The following CACNA2D3 variants were observed in gnomAD, a reference collection of about 807,000 sequenced individuals.
The protein encoded by CACNA2D3 is voltage-dependent calcium channel subunit alpha-2/delta-3.
CACNA2D3 carries 60 observed loss-of-function variants against 160.6 expected under a neutral mutation model. The ratio of observed to expected loss-of-function variants is 0.37; its 90% CI spans 0.30 to 0.46. CACNA2D3 has a LOEUF of 0.46. Among genes scored for constraint, CACNA2D3 ranks in the 20% least tolerant of loss-of-function variants. The pLI, the probability that CACNA2D3 is intolerant of heterozygous loss-of-function variation, is 1.00. For synonymous variants in CACNA2D3, 558 were observed against 492.9 expected, an observed-to-expected ratio of 1.13 and a Z score of -1.75; for missense variants, 1,205 against 1,365.0, an observed-to-expected ratio of 0.88 and a Z score of 1.85.
intron 4 of CACNA2D3, among the ~76,000 whole-genome samples, chr3:54,412,784 T>C (rs954739748): frequency 4.6e-5 from 7 of 151,788 alleles, no homozygotes; most frequent in Admixed American, 1.3e-4. Context: ...GAATGTGCTT[T>C]AGCACATCAC....
chr3:54,626,567 T>C, intron 9 of CACNA2D3: 4 of 1,580,780 alleles, frequency 2.5e-6, no homozygotes, highest in Non-Finnish European at 3.5e-6. Flanking sequence ...CTGGGCGAGT[T>C]CTCCATCACC....
intron 11 of CACNA2D3, among the ~76,000 whole-genome samples, chr3:54,667,886 G>T (rs1444206634): frequency 1.3e-5 from 2 of 151,630 alleles, no homozygotes; most frequent in Admixed American, 1.3e-4. Flanking sequence ...GGTCAAGGCT[G>T]CAGTGAGCCG....
At chr3:54,956,667 G>A (rs1251177410) in intron 27 of CACNA2D3, among the ~76,000 whole-genome samples, 1 of 152,048 alleles carries the variant, frequency 6.6e-6, no homozygotes, top group South Asian at 2.1e-4. Context: ...CTCCAGATTA[G>A]GTAATTTGTT....
intron 13 of CACNA2D3, among the ~76,000 whole-genome samples, chr3:54,801,411 G>A (rs1231500022): frequency 3.9e-5 from 6 of 152,302 alleles, no homozygotes; most frequent in African/African-American, 7.2e-5. Flanking sequence ...GGACTGAAAT[G>A]TGCAATACCC....
In CACNA2D3 at chr3:54,642,021, G is replaced by C. The variant is rs1255015352; in HGVS notation, c.1054-107G>C. 24 of 628,422 alleles carry C rather than the reference G, an allele frequency of 3.8e-5. No individual in the cohort carries two copies. In the Admixed American group the frequency reaches 7.7e-4, roughly 20 times the overall value. 38.9% of individuals were successfully genotyped at this position (628,422 alleles called of 1,614,324 possible). ...TTGTTTTGGTGGTGGACAGTGTGCT[G>C]TCATTTTAAAAGGCTTCCTTAGTCC... is the stretch of plus-strand genomic sequence containing the variant. On this transcript the variant is annotated intron_variant, in intron 10 of 37. Coordinates refer to ENST00000474759, the MANE Select transcript of CACNA2D3 (RefSeq NM_018398.3).
At chr3:54,810,886 G>T (rs373953921) in intron 13 of CACNA2D3, among the ~76,000 whole-genome samples, 3 of 152,066 alleles carry the variant, frequency 2.0e-5, no homozygotes, top group African/African-American at 7.2e-5. Flanking sequence ...CTGCTCGGTG[G>T]GTATTTTTCT....
intron 4 of CACNA2D3, among the ~76,000 whole-genome samples, chr3:54,468,846 A>T (rs917951921): frequency 3.9e-5 from 6 of 152,198 alleles, no homozygotes; most frequent in Non-Finnish European, 7.3e-5. Context: ...ACTGCAGCTC[A>T]GCAAAGCCAC....
chr3:54,577,660 C>T (rs765707681), intron 8 of CACNA2D3, among the ~76,000 whole-genome samples: 1 of 152,166 alleles, frequency 6.6e-6, no homozygotes, highest in African/African-American at 2.4e-5. Context: ...GCATTTGTGC[C>T]TGTGCACCTA....
intron 14 of CACNA2D3, among the ~76,000 whole-genome samples, chr3:54,829,883 A>ATT (rs1703831702): frequency 1.3e-4 from 11 of 86,740 alleles, no homozygotes; most frequent in African/African-American, 1.8e-4. Context: ...CTTCTTCTTC[A>ATT]TCTTTTTTTT....
In CACNA2D3 at chr3:54,425,679, C is replaced by T. The variant is rs190160621; in HGVS notation, c.381+38905C>T. On this transcript the variant is annotated intron_variant, in intron 4 of 37. Transcript: ENST00000474759. ...TAAATCAGTGAACTCACCTCTCTCT[C>T]ATGATCACTTTTGGGGGAGCTCAGA... is the stretch of plus-strand genomic sequence containing the variant. Among the ~76,000 whole-genome samples, 6 of 152,314 alleles carry T rather than the reference C, an allele frequency of 3.9e-5. No homozygotes were observed. The East Asian group carries it at 7.7e-4, about 20-fold the overall frequency.
chr3:54,946,108 T>C lies in CACNA2D3; in HGVS notation c.2450-22342T>C, dbSNP rs535837539. Among the ~76,000 whole-genome samples the C allele has an allele frequency of 2.6e-5, 4 of 152,332 alleles. No individual in the cohort carries two copies. In the South Asian group the frequency reaches 8.3e-4, roughly 32 times the overall value. On this transcript the variant is annotated intron_variant, in intron 27 of 37. Coordinates refer to ENST00000474759, the MANE Select transcript of CACNA2D3 (RefSeq NM_018398.3). ...CTAAGGAAATAAAAAGCAGTATGCATTGATGTGCCTGTCCTGAAAGACTCT... is the reference window on the plus strand; with the variant it reads ...CTAAGGAAATAAAAAGCAGTATGCACTGATGTGCCTGTCCTGAAAGACTCT...
chr3:54,699,714 A>G (rs938016809), intron 11 of CACNA2D3, among the ~76,000 whole-genome samples: 2 of 151,862 alleles, frequency 1.3e-5, no homozygotes, highest in Non-Finnish European at 2.9e-5. Context: ...TGATTTAACC[A>G]CTCTATGCCT....
At position 54,322,903 on chromosome 3, in the gene CACNA2D3, C is replaced by T. The variant is rs531658077; in HGVS notation, c.321+2345C>T. 3.9e-5 allele frequency among the ~76,000 whole-genome samples: 6 copies of T among 152,038 alleles called. No individual in the cohort carries two copies. The South Asian group carries it at 1.0e-3, about 26-fold the overall frequency. On this transcript the variant is annotated intron_variant, in intron 3 of 37. Transcript: ENST00000474759. ...TTGCTCTGTTTAAATTGAAATATTC[C>T]CAGAATAAAGGCAGCCAGATTCCTT...
intron 2 of CACNA2D3, among the ~76,000 whole-genome samples, chr3:54,161,456 A>G: frequency 6.6e-6 from 1 of 152,212 alleles, no homozygotes; most frequent in East Asian, 1.9e-4. Flanking sequence ...CCTACCAGGG[A>G]GGATCCCTGA....
Position 54,987,583 on chromosome 3 carries a change from C to A in CACNA2D3, c.2620-100C>A, listed in dbSNP as rs565989512. ...TTTCCTGAAAACCTGCCTTTTGCTCCTGTCAGTTCCAGGACACAGACTGTG... is the reference window on the plus strand; with the variant it reads ...TTTCCTGAAAACCTGCCTTTTGCTCATGTCAGTTCCAGGACACAGACTGTG... On this transcript the variant is annotated intron_variant, in intron 30 of 37. Transcript: ENST00000474759. The A allele has an allele frequency of 1.4e-4, 103 of 712,476 alleles. 1 individual carries two copies. The African/African-American group carries it at 1.8e-3, about 12-fold the overall frequency. 44.1% of individuals were successfully genotyped at this position (712,476 alleles called of 1,614,324 possible). A position where few individuals can be genotyped will look rare whatever the true frequency, so the allele number is the denominator to read the frequency against.
At chr3:54,343,188 G>GCC (rs533287044) in intron 3 of CACNA2D3, among the ~76,000 whole-genome samples, 1 of 151,738 alleles carries the variant, frequency 6.6e-6, no homozygotes, top group Non-Finnish European at 1.5e-5. Context: ...TGTGTTTAAA[G>GCC]CCCCCCCCTC....
At chr3:54,234,945 C>G (rs1701846037) in intron 2 of CACNA2D3, among the ~76,000 whole-genome samples, 1 of 152,068 alleles carries the variant, frequency 6.6e-6, no homozygotes, top group South Asian at 2.1e-4. Context: ...ATAATATGTA[C>G]AACAAACCCC....
intron 30 of CACNA2D3, among the ~76,000 whole-genome samples, chr3:54,985,908 C>G (rs962319629): frequency 5.3e-4 from 81 of 152,276 alleles, no homozygotes; most frequent in Non-Finnish European, 8.2e-4. Context: ...CCAGTCTCCT[C>G]TGATGCTTTA....
At chr3:54,561,241 C>G (rs890632514) in intron 5 of CACNA2D3, among the ~76,000 whole-genome samples, 1 of 152,138 alleles carries the variant, frequency 6.6e-6, no homozygotes, top group African/African-American at 2.4e-5. Context: ...TGTGTCATCT[C>G]TTATTGCTTG....
Sources: gnomAD v4.1 joint callset for allele counts (sites outside exome capture counted in the v4.1 genomes callset) on GRCh38, gnomAD v4.1.1 for gene constraint, MANE v1.5 for transcripts, NCBI Gene and HGNC (gene_info 2026-07-23, HGNC 2026-07-21) for gene names.